Variants in ELK3 observed in about 807,000 individuals in gnomAD.
ELK3 encodes ETS domain-containing protein Elk-3.
ELK3 carries 10 observed loss-of-function variants against 28.9 expected under a neutral mutation model. The observed-to-expected ratio is 0.35, with a 90% CI of 0.21 to 0.59. ELK3 has a LOEUF of 0.59. Among genes scored for constraint, ELK3 ranks in the 20% least tolerant of loss-of-function variants. The pLI is 0.82. For missense variants in ELK3, 463 were observed against 517.3 expected (o/e 0.90, Z 1.02); for synonymous variants, 272 against 243.5 (o/e 1.12, Z -1.09).
chr12:96,258,891 G>A (rs1951971330), intron 3 of ELK3, among the ~76,000 whole-genome samples: 1 of 152,142 alleles, frequency 6.6e-6, no homozygotes, highest in Non-Finnish European at 1.5e-5. Flanking sequence ...CTCCACATCC[G>A]GAAGGAATCT....
chr12:96,223,885 T>A, intron 2 of ELK3, 112 bp downstream of exon 2: 1 of 1,095,314 alleles, frequency 9.1e-7, no homozygotes, highest in Non-Finnish European at 1.3e-6. Flanking sequence ...GAAAATAAAA[T>A]AGGGGCAGTG....
intron 2 of ELK3, among the ~76,000 whole-genome samples, chr12:96,238,699 C>T (rs1044545649): frequency 2.0e-5 from 3 of 152,246 alleles, no homozygotes; most frequent in Admixed American, 6.5e-5. Context: ...CAGGCACCTT[C>T]TCTACCCTGT....
chr12:96,222,092 C>T (rs1047315945), intron 1 of ELK3, among the ~76,000 whole-genome samples: 15 of 152,166 alleles, frequency 9.9e-5, no homozygotes, highest in South Asian at 4.2e-4. Context: ...ACAGTTGATC[C>T]GTGGCAAAGC....
chr12:96,225,701 C>T (rs1414088036), intron 2 of ELK3, among the ~76,000 whole-genome samples: 1 of 152,222 alleles, frequency 6.6e-6, no homozygotes, highest in Non-Finnish European at 1.5e-5. Flanking sequence ...CCAGCTGGTC[C>T]ACCCAGGTTC....
At chr12:96,205,577 G>C (rs1022915176) in intron 1 of ELK3, among the ~76,000 whole-genome samples, 5 of 152,090 alleles carry the variant, frequency 3.3e-5, no homozygotes, top group African/African-American at 1.2e-4. Context: ...GGGCTCACAT[G>C]ATCTTCCCAC....
intron 4 of ELK3, 33 bp downstream of exon 4, chr12:96,259,886 A>C (rs1197019599): frequency 4.5e-6 from 7 of 1,557,252 alleles, no homozygotes; most frequent in Non-Finnish European, 5.2e-6. Flanking sequence ...TTGAACATTA[A>C]GCTTCTGAGG....
At chr12:96,217,765 G>T (rs764706128) in intron 1 of ELK3, among the ~76,000 whole-genome samples, 3 of 151,896 alleles carry the variant, frequency 2.0e-5, no homozygotes, top group Non-Finnish European at 2.9e-5. Context: ...GTGAAACCCT[G>T]TCTCCACTAA....
chr12:96,214,331 T>A (rs2137007747), intron 1 of ELK3, among the ~76,000 whole-genome samples: 1 of 152,094 alleles, frequency 6.6e-6, no homozygotes, highest in South Asian at 2.1e-4. Context: ...CTCGGGAGGC[T>A]GAGGCACGAG....
chr12:96,203,809 C>T (rs1000846674), intron 1 of ELK3, among the ~76,000 whole-genome samples: 5 of 152,108 alleles, frequency 3.3e-5, no homozygotes, highest in African/African-American at 4.8e-5. Context: ...AGTGTGGTGG[C>T]GCATGCCTGT....
intron 1 of ELK3, among the ~76,000 whole-genome samples, chr12:96,218,399 A>G (rs1169734989): frequency 6.6e-6 from 1 of 152,168 alleles, no homozygotes; most frequent in Non-Finnish European, 1.5e-5. Flanking sequence ...AAAATACCTG[A>G]TAAAATTTTG....
intron 2 of ELK3, among the ~76,000 whole-genome samples, chr12:96,228,521 C>T (rs917212654): frequency 1.3e-5 from 2 of 151,698 alleles, no homozygotes; most frequent in African/African-American, 4.8e-5. Flanking sequence ...AGTATTATGG[C>T]CCTTTTCACT....
intron 1 of ELK3, among the ~76,000 whole-genome samples, chr12:96,222,013 C>G (rs996183716): frequency 6.6e-6 from 1 of 152,134 alleles, no homozygotes; most frequent in Non-Finnish European, 1.5e-5. Context: ...CCCTGCCCCC[C>G]GCCCACCAGG....
intron 3 of ELK3, among the ~76,000 whole-genome samples, chr12:96,257,906 T>C (rs1461544749): frequency 1.3e-5 from 2 of 152,234 alleles, no homozygotes; most frequent in Non-Finnish European, 2.9e-5. Flanking sequence ...TTCAATTAAT[T>C]ACCAATCCAT....
intron 1 of ELK3, among the ~76,000 whole-genome samples, chr12:96,210,605 T>G (rs551969964): frequency 5.9e-5 from 6 of 101,596 alleles, no homozygotes; most frequent in Non-Finnish European, 1.0e-4. Flanking sequence ...ACACCCCGAG[T>G]GGGAGGTCCA....
intron 3 of ELK3, among the ~76,000 whole-genome samples, chr12:96,257,133 C>T (rs1951956294): frequency 6.6e-6 from 1 of 152,174 alleles, no homozygotes; most frequent in Admixed American, 6.5e-5. Context: ...TAGCCCTTGG[C>T]CCTCAGGCTC....
At chr12:96,221,429 TG>T (rs1951660998) in intron 1 of ELK3, among the ~76,000 whole-genome samples, 1 of 152,214 alleles carries the variant, frequency 6.6e-6, no homozygotes, top group African/African-American at 2.4e-5. Context: ...ACCTGGCATG[TG>T]AGCAGAGGCC....
intron 1 of ELK3, among the ~76,000 whole-genome samples, chr12:96,200,374 CCT>C (rs1951500788): frequency 1.3e-5 from 2 of 151,900 alleles, no homozygotes; most frequent in Admixed American, 1.3e-4. Flanking sequence ...GGTATCTTCC[CCT>C]CTCTCTTTTT....
intron 2 of ELK3, among the ~76,000 whole-genome samples, chr12:96,227,621 C>T (rs12312825): frequency 0.021 from 3,127 of 152,210 alleles, 133 homozygotes; most frequent in African/African-American, 0.072. Flanking sequence ...AGAAAGGCCC[C>T]GGAGGAGGGT....
At chr12:96,227,897 G>GT (rs1455066987) in intron 2 of ELK3, among the ~76,000 whole-genome samples, 1 of 152,186 alleles carries the variant, frequency 6.6e-6, no homozygotes, top group Non-Finnish European at 1.5e-5. Context: ...GTGTTCACAC[G>GT]TGTGCAGGGC....
Sources: gnomAD v4.1 joint callset for allele counts (sites outside exome capture counted in the v4.1 genomes callset) on GRCh38, gnomAD v4.1.1 for gene constraint, MANE v1.5 for transcripts, NCBI Gene and HGNC (gene_info 2026-07-23, HGNC 2026-07-21) for gene names.